HDAC4: variants seen among roughly 807,000 people sequenced by gnomAD.
HDAC4 encodes the protein histone deacetylase A.
A neutral mutation model predicts 135.1 loss-of-function variants in HDAC4; 16 were observed. The observed-to-expected ratio is 0.12, with a 90% CI of 0.08 to 0.18. The LOEUF is 0.18. Among genes scored for constraint, HDAC4 ranks in the 10% least tolerant of loss-of-function variants. The probability of loss-of-function intolerance (pLI) is 1.00; values close to 1 mark genes in which losing one functional copy is unlikely to be tolerated. For synonymous variants in HDAC4, 685 were observed against 653.4 expected (o/e 1.05, Z -0.74); for missense variants, 1,143 against 1,511.8 (o/e 0.76, Z 4.05).
chr2:239,241,949 G>A (rs928151860), intron 2 of HDAC4, among the ~76,000 whole-genome samples: 2 of 151,984 alleles, frequency 1.3e-5, no homozygotes, highest in African/African-American at 4.8e-5. Context: ...ATATTGGCAA[G>A]GCAAAAAACC....
chr2:239,327,244 G>T (rs2053498347), intron 2 of HDAC4, among the ~76,000 whole-genome samples: 2 of 152,192 alleles, frequency 1.3e-5, no homozygotes, highest in Admixed American at 1.3e-4. Flanking sequence ...GGGAGGGAGG[G>T]TGTGCCTTTC....
In HDAC4 at chr2:239,231,737, T is replaced by C. The variant is rs112995853; in HGVS notation, c.94+4856A>G. Among the ~76,000 whole-genome samples, 62 of 15,236 alleles carry C rather than the reference T, an allele frequency of 4.1e-3. 1 individual carries two copies. The highest frequency in any genetic ancestry group is 0.013 in the African/African-American group (51 of 3,870). The allele number at this position is 15,236 out of a possible 152,430, so 10.0% of individuals were successfully genotyped here. ...AAAGCGCCCCTGTCCTCAACCGAGGTTGCTGAGCACCTGCTCCCGGATGCC... is the reference window on the plus strand; with the variant it reads ...AAAGCGCCCCTGTCCTCAACCGAGGCTGCTGAGCACCTGCTCCCGGATGCC... On this transcript the variant is annotated intron_variant, in intron 3 of 26. Transcript: ENST00000543185.
chr2:239,085,041 G>GACAGACACACACAC (rs1553609590), intron 19 of HDAC4, among the ~76,000 whole-genome samples: 6 of 138,894 alleles, frequency 4.3e-5, no homozygotes, highest in African/African-American at 1.7e-4. Context: ...GAGACAGACA[G>GACAGACACACACAC]ACACACACAC....
intron 5 of HDAC4, among the ~76,000 whole-genome samples, chr2:239,166,851 G>A (rs1265123908): frequency 6.6e-6 from 1 of 152,240 alleles, no homozygotes; most frequent in African/African-American, 2.4e-5. Flanking sequence ...ATTTGCCAAT[G>A]AGTATGTTAA....
rs1251255468 is a variant in HDAC4 at position 239,345,929 on chromosome 2, TCTAA to T, written c.22+6745_22+6748del. 4.3e-5 allele frequency among the ~76,000 whole-genome samples: 5 copies of T among 115,036 alleles called. No individual in the cohort carries two copies. The Admixed American group carries it at 4.7e-4, about 11-fold the overall frequency. 75.5% of individuals were successfully genotyped at this position (115,036 alleles called of 152,430 possible). The stretch of plus-strand genomic sequence containing the variant: ...CCCCATCTCACACACGTGCACTCAC[TCTAA>T]CAAACACACACATCCTAACACACAT... On this transcript the variant is annotated intron_variant, in intron 2 of 26. Coordinates refer to ENST00000543185, the MANE Select transcript of HDAC4 (RefSeq NM_001378414.1).
intron 4 of HDAC4, among the ~76,000 whole-genome samples, chr2:239,189,124 A>G (rs1462768670): frequency 6.6e-6 from 1 of 152,272 alleles, no homozygotes; most frequent in African/African-American, 2.4e-5. Context: ...TGTGACCACT[A>G]GAATATTTAA....
At chr2:239,269,244 TAC>T (rs1186486016) in intron 2 of HDAC4, among the ~76,000 whole-genome samples, 1 of 119,720 alleles carries the variant, frequency 8.4e-6, no homozygotes, top group Non-Finnish European at 1.8e-5. Flanking sequence ...TTCACACATC[TAC>T]ACACATTCAC....
chr2:239,087,443 G>C (rs2036085067), intron 19 of HDAC4, 116 bp downstream of exon 19: 1 of 996,222 alleles, frequency 1.0e-6, no homozygotes, highest in Non-Finnish European at 1.5e-6. Context: ...GCACATCCTG[G>C]GTGGCCAGCA....
At chr2:239,235,608 G>A (rs2047842782) in intron 3 of HDAC4, among the ~76,000 whole-genome samples, 1 of 152,248 alleles carries the variant, frequency 6.6e-6, no homozygotes, top group Non-Finnish European at 1.5e-5. Context: ...TTCTCGGAGA[G>A]GCTGCATGGC....
intron 2 of HDAC4, among the ~76,000 whole-genome samples, chr2:239,255,859 G>A (rs1263816442): frequency 6.6e-6 from 1 of 152,196 alleles, no homozygotes; most frequent in African/African-American, 2.4e-5. Flanking sequence ...GTGCATGTCG[G>A]AGAGCCCGTC....
chr2:239,327,376 G>A (rs2053502303), intron 2 of HDAC4, among the ~76,000 whole-genome samples: 1 of 152,182 alleles, frequency 6.6e-6, no homozygotes, highest in South Asian at 2.1e-4. Context: ...AGAAACTGGG[G>A]CCCAGGTCCC....
chr2:239,274,234 A>C (rs1488338064), intron 2 of HDAC4, among the ~76,000 whole-genome samples: 1 of 152,186 alleles, frequency 6.6e-6, no homozygotes, highest in Non-Finnish European at 1.5e-5. Flanking sequence ...ATTTGTTGCA[A>C]ACATAAACCT....
intron 15 of HDAC4, among the ~76,000 whole-genome samples, chr2:239,103,473 A>G (rs2037842048): frequency 6.6e-6 from 1 of 152,256 alleles, no homozygotes; most frequent in African/African-American, 2.4e-5. Flanking sequence ...TCACAGGAAA[A>G]TTAGTGTTCT....
At chr2:239,201,659 C>A (rs1048131552) in intron 3 of HDAC4, among the ~76,000 whole-genome samples, 4 of 152,202 alleles carry the variant, frequency 2.6e-5, no homozygotes, top group African/African-American at 9.7e-5. Flanking sequence ...CCAGGCCCCA[C>A]CTCCCTTCTC....
chr2:239,088,657 A>G (rs1185697536), intron 18 of HDAC4, among the ~76,000 whole-genome samples: 1 of 152,174 alleles, frequency 6.6e-6, no homozygotes, highest in Non-Finnish European at 1.5e-5. Flanking sequence ...TCTCTTAACA[A>G]TGTGCTCGAT....
At chr2:239,287,324 G>A (rs1270046777) in intron 2 of HDAC4, among the ~76,000 whole-genome samples, 1 of 152,164 alleles carries the variant, frequency 6.6e-6, no homozygotes, top group African/African-American at 2.4e-5. Flanking sequence ...ACAGTTTAAA[G>A]TACTTGATTG....
Position 239,176,628 on chromosome 2 carries a change from G to C in HDAC4, c.340-65C>G, listed in dbSNP as rs551714490. 5.3e-6 allele frequency: 8 copies of C among 1,517,182 alleles called. No individual in the cohort carries two copies. In the South Asian group the frequency reaches 7.9e-5, roughly 15 times the overall value. 94.0% of individuals were successfully genotyped at this position (1,517,182 alleles called of 1,614,324 possible). A position where few individuals can be genotyped will look rare whatever the true frequency, so the allele number is the denominator to read the frequency against. On this transcript the variant is annotated intron_variant, in intron 4 of 26. Transcript: ENST00000543185. ...CTCCACACACACACAGAGACCCAATGAAGACCCAAGAAACCAGCCCAGGCC... is the reference window on the plus strand; with the variant it reads ...CTCCACACACACACAGAGACCCAATCAAGACCCAAGAAACCAGCCCAGGCC...
At chr2:239,124,912 C>A (rs112301990) in intron 12 of HDAC4, among the ~76,000 whole-genome samples, 1 of 123,326 alleles carries the variant, frequency 8.1e-6, no homozygotes, top group Non-Finnish European at 1.7e-5. Flanking sequence ...TGTGACATTC[C>A]GGTGTGCTGG....
chr2:239,090,088 A>C lies in HDAC4; in HGVS notation c.2309T>G (p.Val770Gly), dbSNP rs1275913036. ...GVDSDTIWNE[V>G]HSAGAARLAV... ...CAGGCGGGCTGCCCCCGCCGAGTGC[A>C]CCTCGTTCCATATGGTGTCACTGTC... The change falls in exon 18 of 27, where the codon GTG becomes GGG. Residue 770 changes from valine to glycine, a missense_variant. By Grantham distance (109) the Val-to-Gly change is moderately radical. This residue lies in a region of HDAC4 where 49 missense variants were observed against 55.6 expected (regional missense o/e 0.88). Coordinates refer to ENST00000543185, the MANE Select transcript of HDAC4 (RefSeq NM_001378414.1). 1 of 1,613,692 alleles carries C rather than the reference A, an allele frequency of 6.2e-7. No homozygotes were observed. Among genetic ancestry groups the C allele is most frequent in the East Asian group, 2.2e-5 (1 of 44,864 alleles).
Sources: allele counts gnomAD v4.1 joint callset (sites outside exome capture counted in the v4.1 genomes callset), GRCh38; gene constraint gnomAD v4.1.1; regional missense constraint gnomAD v4.1.1; transcripts MANE v1.5; gene names NCBI Gene and HGNC (gene_info 2026-07-23, HGNC 2026-07-21).